The following ZBTB20 variants were observed in gnomAD, a reference collection of about 807,000 sequenced individuals.
ZBTB20 encodes the protein zinc finger and BTB domain containing 20.
In ZBTB20, 9 loss-of-function variants were observed where a neutral mutation model predicts 56.9. The ratio of observed to expected loss-of-function variants is 0.16; its 90% CI spans 0.10 to 0.28. ZBTB20 has a LOEUF of 0.28. Ranked by LOEUF, ZBTB20 falls within the 10% of genes least tolerant of loss-of-function variation. The probability of loss-of-function intolerance (pLI) is 1.00; values close to 1 mark genes in which losing one functional copy is unlikely to be tolerated. For synonymous variants in ZBTB20, 417 were observed against 420.7 expected, an observed-to-expected ratio of 0.99 and a Z score of 0.11; for missense variants, 655 against 1,003.0, an observed-to-expected ratio of 0.65 and a Z score of 4.69.
At chr3:115,034,959 G>C (rs2080853263) in intron 2 of ZBTB20, among the ~76,000 whole-genome samples, 1 of 151,976 alleles carries the variant, frequency 6.6e-6, no homozygotes, top group Admixed American at 6.6e-5. Flanking sequence ...TTATTCAATG[G>C]GGAACAGACA....
chr3:114,897,191 C>A (rs747531613), intron 4 of ZBTB20, among the ~76,000 whole-genome samples: 1 of 152,108 alleles, frequency 6.6e-6, no homozygotes, highest in Non-Finnish European at 1.5e-5. Flanking sequence ...CATTAGGTAA[C>A]TTGATTGAGA....
At chr3:114,363,706 T>C (rs138604801) in intron 10 of ZBTB20, among the ~76,000 whole-genome samples, 16 of 152,302 alleles carry the variant, frequency 1.1e-4, no homozygotes, top group East Asian at 3.9e-4. Context: ...AGTATTCTAA[T>C]TGAGGCTGAG....
intron 6 of ZBTB20, among the ~76,000 whole-genome samples, chr3:114,664,086 A>T (rs920107472): frequency 5.3e-5 from 8 of 152,068 alleles, no homozygotes; most frequent in Non-Finnish European, 8.8e-5. Flanking sequence ...TTCCTTCTAA[A>T]TCTAAAGTAA....
At chr3:114,341,404 C>T (rs2079753342) in intron 11 of ZBTB20, among the ~76,000 whole-genome samples, 1 of 152,146 alleles carries the variant, frequency 6.6e-6, no homozygotes, top group Admixed American at 6.5e-5. Flanking sequence ...TTTATAGAGG[C>T]TATGATAGGC....
chr3:114,771,757 T>C (rs1206495612), intron 5 of ZBTB20, among the ~76,000 whole-genome samples: 1 of 152,224 alleles, frequency 6.6e-6, no homozygotes, highest in African/African-American at 2.4e-5. Context: ...ATCCCCTCTT[T>C]GTCCACGTTT....
chr3:114,884,207 G>A (rs978108355), intron 4 of ZBTB20, among the ~76,000 whole-genome samples: 1 of 151,986 alleles, frequency 6.6e-6, no homozygotes, highest in Non-Finnish European at 1.5e-5. Context: ...TTACAGGCGT[G>A]AGCCACCGCG....
At chr3:114,782,809 T>A (rs1485086102) in intron 5 of ZBTB20, among the ~76,000 whole-genome samples, 1 of 152,142 alleles carries the variant, frequency 6.6e-6, no homozygotes, top group Non-Finnish European at 1.5e-5. Flanking sequence ...AGAGCTTATA[T>A]CCTTAATGTA....
chr3:114,674,682 A>AT (rs1273887258), intron 6 of ZBTB20, among the ~76,000 whole-genome samples: 3 of 152,178 alleles, frequency 2.0e-5, no homozygotes, highest in Non-Finnish European at 4.4e-5. Context: ...GAATAAATGA[A>AT]TGAATGAAGT....
At chr3:115,040,333 T>A (rs2081090236) in intron 2 of ZBTB20, among the ~76,000 whole-genome samples, 1 of 152,108 alleles carries the variant, frequency 6.6e-6, no homozygotes, top group African/African-American at 2.4e-5. Flanking sequence ...AATAATCATT[T>A]TCAAAGTTTA....
intron 7 of ZBTB20, among the ~76,000 whole-genome samples, chr3:114,494,212 ATT>A (rs1380543901): frequency 6.6e-6 from 1 of 151,890 alleles, no homozygotes; most frequent in Non-Finnish European, 1.5e-5. Context: ...GAGTTTTTGT[ATT>A]TTTTTTCCTA....
At chr3:114,641,790 G>A (rs1404303407) in intron 6 of ZBTB20, among the ~76,000 whole-genome samples, 1 of 151,816 alleles carries the variant, frequency 6.6e-6, no homozygotes, top group Non-Finnish European at 1.5e-5. Flanking sequence ...ACATCAAAAA[G>A]TATATGGAGG....
At chr3:114,837,819 G>GT (rs2074194564) in intron 4 of ZBTB20, among the ~76,000 whole-genome samples, 2 of 152,098 alleles carry the variant, frequency 1.3e-5, no homozygotes, top group Non-Finnish European at 2.9e-5. Flanking sequence ...TGGAGATCAG[G>GT]TGGGGCCATC....
intron 5 of ZBTB20, among the ~76,000 whole-genome samples, chr3:114,739,061 T>G (rs1391459532): frequency 6.6e-6 from 1 of 152,196 alleles, no homozygotes; most frequent in Non-Finnish European, 1.5e-5. Flanking sequence ...TGAGCCATCA[T>G]GCCTGGCCAT....
intron 1 of ZBTB20, among the ~76,000 whole-genome samples, chr3:115,122,186 A>G (rs556242169): frequency 1.3e-5 from 2 of 152,192 alleles, no homozygotes; most frequent in South Asian, 2.1e-4. Context: ...AATTTCTGTC[A>G]TGAAACAAAG....
At chr3:114,374,966 C>T (rs899975863) in intron 10 of ZBTB20, among the ~76,000 whole-genome samples, 4 of 152,148 alleles carry the variant, frequency 2.6e-5, no homozygotes, top group Admixed American at 6.5e-5. Context: ...CCAAAGAGAC[C>T]TTCAAACTTG....
intron 2 of ZBTB20, among the ~76,000 whole-genome samples, chr3:114,987,567 T>C (rs1467332085): frequency 6.6e-6 from 1 of 152,200 alleles, no homozygotes; most frequent in East Asian, 1.9e-4. Flanking sequence ...ATAGCTTTAT[T>C]ACCTATGCTC....
At chr3:114,821,226 C>A (rs994874242) in intron 4 of ZBTB20, among the ~76,000 whole-genome samples, 1 of 152,134 alleles carries the variant, frequency 6.6e-6, no homozygotes, top group Non-Finnish European at 1.5e-5. Flanking sequence ...TCTGCAGTCA[C>A]CATCTGCTAC....
chr3:114,728,649 A>G (rs2065485617), intron 5 of ZBTB20, among the ~76,000 whole-genome samples: 1 of 152,248 alleles, frequency 6.6e-6, no homozygotes, highest in African/African-American at 2.4e-5. Context: ...CATTGCCAAG[A>G]AATAAAACCG....
At chr3:114,574,325 ACATATTTT>A (rs1348602767) in intron 6 of ZBTB20, among the ~76,000 whole-genome samples, 1 of 152,184 alleles carries the variant, frequency 6.6e-6, no homozygotes, top group Non-Finnish European at 1.5e-5. Flanking sequence ...GGGTCAGAGG[ACATATTTT>A]TAAAGCAAGG....
Sources: gnomAD v4.1 joint callset for allele counts (sites outside exome capture counted in the v4.1 genomes callset) on GRCh38, gnomAD v4.1.1 for gene constraint, MANE v1.5 for transcripts, NCBI Gene and HGNC (gene_info 2026-07-23, HGNC 2026-07-21) for gene names.